The following SERPING1 variants were observed in gnomAD, a reference collection of about 807,000 sequenced individuals.
SERPING1 encodes serpin family G member 1, also known as plasma protease C1 inhibitor.
Under a neutral mutation model 34.1 loss-of-function variants are expected in SERPING1, and 5 were observed. That is an observed-to-expected ratio of 0.15 (90% CI 0.08 to 0.31). The LOEUF (loss-of-function observed/expected upper bound fraction) is 0.31. Among genes scored for constraint, SERPING1 ranks in the 10% least tolerant of loss-of-function variants. SERPING1 has a pLI of 1.00. For synonymous variants in SERPING1, 225 were observed against 242.4 expected, an observed-to-expected ratio of 0.93 and a Z score of 0.67; for missense variants, 505 against 609.5, an observed-to-expected ratio of 0.83 and a Z score of 1.81.
rs979116763 is a variant in SERPING1, at chr11:57,602,233, C to G, written c.685+64C>G. The stretch of plus-strand genomic sequence containing the variant: ...TCCTGAGAGGACTCTGAAGGGGGAC[C>G]CAGCGCTGGGGAAAGAAAGGACAGA... On this transcript the variant is annotated intron_variant, in intron 4 of 7. Coordinates refer to ENST00000278407, the MANE Select transcript of SERPING1 (RefSeq NM_000062.3). 2.8e-5 allele frequency: 45 copies of G among 1,585,866 alleles called. 1 individual carries two copies. The highest frequency in any genetic ancestry group is 3.7e-5 in the Non-Finnish European group (43 of 1,155,612).
intron 7 of SERPING1, 78 bp downstream of exon 7, chr11:57,612,014 T>C: frequency 1.6e-6 from 2 of 1,222,842 alleles, no homozygotes; most frequent in Non-Finnish European, 1.2e-6. Context: ...GTTAGCATTC[T>C]CTAGAGTATT....
chr11:57,602,657 A>G (rs187212878), intron 4 of SERPING1, among the ~76,000 whole-genome samples: 40 of 151,260 alleles, frequency 2.6e-4, no homozygotes, highest in African/African-American at 9.2e-4. Context: ...CAGGAGGCTG[A>G]GGCAGGAGAA....
At chr11:57,614,147 G>A (rs1471933531) in intron 7 of SERPING1, among the ~76,000 whole-genome samples, 181 bp from the exon 8 acceptor site, 2 of 152,008 alleles carry the variant, frequency 1.3e-5, no homozygotes, top group Non-Finnish European at 2.9e-5. Context: ...TGGCAGTGTT[G>A]GGCCCACTAA....
At chr11:57,612,384 G>A (rs1945487104) in intron 7 of SERPING1, among the ~76,000 whole-genome samples, 1 of 151,792 alleles carries the variant, frequency 6.6e-6, no homozygotes, top group Non-Finnish European at 1.5e-5. Flanking sequence ...TTTACGAGAG[G>A]CAACAGAGAC....
At chr11:57,601,430 T>C (rs1945346495) in intron 3 of SERPING1, among the ~76,000 whole-genome samples, 1 of 150,666 alleles carries the variant, frequency 6.6e-6, no homozygotes, top group Admixed American at 6.6e-5. Flanking sequence ...GCCTAGTGTC[T>C]GACTTAGTGG....
chr11:57,614,396 G>A lies in SERPING1; in HGVS notation c.1318G>A (p.Ala440Thr), dbSNP rs1268775718. The change falls in exon 8 of 8, where the codon GCG becomes ACG. Residue 440 changes from alanine (A) to threonine (T), a missense_variant. By Grantham distance (58) the Ala-to-Thr change is moderately conservative. Coordinates refer to ENST00000278407, the MANE Select transcript of SERPING1 (RefSeq NM_000062.3). ...LTEDPDLQVS[A>T]MQHQTVLELT... ...AGAGGACCCAGATCTTCAGGTTTCTGCGATGCAGCACCAGACAGTGCTGGA... is the reference window on the plus strand; with the variant it reads ...AGAGGACCCAGATCTTCAGGTTTCTACGATGCAGCACCAGACAGTGCTGGA... 6 of 1,613,962 alleles carry A rather than the reference G, an allele frequency of 3.7e-6. No individual in the cohort carries two copies. Among genetic ancestry groups the A allele is most frequent in the Non-Finnish European group, 4.2e-6 (5 of 1,180,036 alleles).
In SERPING1 at chr11:57,600,219, C is replaced by G. The variant is rs373895356; in HGVS notation, c.392C>G (p.Ser131Cys). 6.2e-6 allele frequency: 10 copies of G among 1,614,072 alleles called. No homozygotes were observed. Among genetic ancestry groups the G allele is most frequent in the Admixed American group, 5.0e-5 (3 of 60,004 alleles). Residue 131 changes from serine to cysteine, a missense_variant, in exon 3 of 8, where the codon TCT (serine) becomes TGT (cysteine). Transcript: ENST00000278407. Reference protein sequence around the residue: ...SFCPGPVTLCSDLESHSTEAV... With the variant: ...SFCPGPVTLCCDLESHSTEAV... The stretch of plus-strand genomic sequence containing the variant: ...TGCCCAGGACCTGTTACTCTCTGCT[C>G]TGACTTGGAGAGTCATTCAACAGAG...
intron 6 of SERPING1, among the ~76,000 whole-genome samples, chr11:57,609,962 A>G (rs766708095): frequency 1.3e-5 from 2 of 152,170 alleles, no homozygotes; most frequent in Non-Finnish European, 2.9e-5. Context: ...CTAATACCTG[A>G]CAGGTCGTAA....
At position 57,600,024 on chromosome 11, in the gene SERPING1, C is replaced by T. The variant is rs771637963; in HGVS notation, c.197C>T (p.Pro66Leu). ...CCCATCCTGGAGGTTTCCAGCTTGC[C>T]GACAACCAACTCAACAACCAATTCA... ...VEPILEVSSL[P>L]TTNSTTNSAT... The change falls in exon 3 of 8, where the codon CCG becomes CTG. Residue 66 changes from proline to leucine, a missense_variant. Coordinates refer to ENST00000278407, the MANE Select transcript of SERPING1 (RefSeq NM_000062.3). 1.1e-5 allele frequency: 17 copies of T among 1,613,962 alleles called. No homozygotes were observed. The highest frequency in any genetic ancestry group is 8.0e-5 in the African/African-American group (6 of 74,872).
chr11:57,600,486 G>A (rs1205583314), intron 3 of SERPING1, 109 bp downstream of exon 3: 4 of 1,247,050 alleles, frequency 3.2e-6, no homozygotes, highest in Non-Finnish European at 3.5e-6. Context: ...TGTAAAAATG[G>A]GCTATTATAT....
intron 6 of SERPING1, chr11:57,611,407 G>T: frequency 2.2e-6 from 1 of 457,176 alleles, no homozygotes; most frequent in Non-Finnish European, 4.1e-6. Context: ...CAACACATTA[G>T]GAAGGAAGGG....
At chr11:57,598,115 C>A in intron 1 of SERPING1, 134 bp from the exon 2 acceptor site, 1 of 637,684 alleles carries the variant, frequency 1.6e-6, no homozygotes, top group Non-Finnish European at 2.7e-6. Flanking sequence ...GAGAAGGTGG[C>A]CCCAGGAGGG....
intron 7 of SERPING1, among the ~76,000 whole-genome samples, chr11:57,612,743 T>G (rs907810961): frequency 2.0e-5 from 3 of 149,908 alleles, no homozygotes; most frequent in African/African-American, 7.4e-5. Context: ...TAACCTTTGT[T>G]TTTTTGTTTG....
At chr11:57,605,175 G>A (rs547573461) in intron 4 of SERPING1, among the ~76,000 whole-genome samples, 1 of 152,210 alleles carries the variant, frequency 6.6e-6, no homozygotes, top group East Asian at 1.9e-4. Flanking sequence ...TGCTAGGTTG[G>A]TGAAAAATAC....
chr11:57,610,967 G>C (rs1054036603), intron 6 of SERPING1, among the ~76,000 whole-genome samples: 2 of 151,542 alleles, frequency 1.3e-5, no homozygotes, highest in Non-Finnish European at 2.9e-5. Flanking sequence ...ATGGAGTCTC[G>C]CTCTGTCACC....
chr11:57,601,964 C>G, intron 3 of SERPING1, 71 bp from the exon 4 acceptor site: 1 of 1,594,076 alleles, frequency 6.3e-7, no homozygotes, highest in Non-Finnish European at 8.6e-7. Context: ...AGCCTGGTCC[C>G]CAACCCTCAT....
intron 7 of SERPING1, among the ~76,000 whole-genome samples, chr11:57,613,441 G>T (rs529943031): frequency 6.6e-6 from 1 of 152,220 alleles, no homozygotes; most frequent in South Asian, 2.1e-4. Flanking sequence ...CCCTGCTAGG[G>T]TTTCATCATT....
intron 4 of SERPING1, among the ~76,000 whole-genome samples, chr11:57,603,888 A>AAT (rs1945378764): frequency 7.0e-6 from 1 of 142,436 alleles, no homozygotes; most frequent in Non-Finnish European, 1.5e-5. Context: ...GGTGTCTCAC[A>AAT]CCTGTAATCC....
intron 7 of SERPING1, among the ~76,000 whole-genome samples, 158 bp from the exon 8 acceptor site, chr11:57,614,170 C>T (rs1013282420): frequency 1.3e-5 from 2 of 151,942 alleles, no homozygotes; most frequent in Non-Finnish European, 2.9e-5. Context: ...GAGGATCCCA[C>T]GAACTGCCAG....
Sources: gnomAD v4.1 joint callset for allele counts (sites outside exome capture counted in the v4.1 genomes callset) on GRCh38, gnomAD v4.1.1 for gene constraint, MANE v1.5 for transcripts, NCBI Gene and HGNC (gene_info 2026-07-23, HGNC 2026-07-21) for gene names.